Variants in ERMARD observed in about 807,000 individuals in gnomAD.
ERMARD encodes endoplasmic reticulum membrane-associated RNA degradation protein.
Under a neutral mutation model 83.9 loss-of-function variants are expected in ERMARD, and 71 were observed. That is an observed-to-expected ratio of 0.85 (90% confidence interval 0.70 to 1.03). ERMARD has a LOEUF of 1.03. Ranked by LOEUF, ERMARD falls within the 50% of genes least tolerant of loss-of-function variation. ERMARD has a pLI of 0.00. For missense variants in ERMARD, 838 were observed against 810.9 expected (o/e 1.03, Z -0.41); for synonymous variants, 284 against 298.6 (o/e 0.95, Z 0.50).
intron 14 of ERMARD, 62 bp downstream of exon 14, chr6:169,775,408 C>A: frequency 6.4e-7 from 1 of 1,555,660 alleles, no homozygotes. Context: ...GTTTCAGCAG[C>A]ATTTCTTCTT....
chr6:169,773,460 C>T, intron 13 of ERMARD, 58 bp downstream of exon 13: 1 of 1,532,598 alleles, frequency 6.5e-7, no homozygotes, highest in East Asian at 2.3e-5. Context: ...CACCTGTCTT[C>T]TGCAGAGATG....
intron 9 of ERMARD, among the ~76,000 whole-genome samples, chr6:169,765,491 A>G (rs1792083837): frequency 6.6e-6 from 1 of 152,236 alleles, no homozygotes. Context: ...GAAGGCATTT[A>G]TACTAACTCT....
chr6:169,753,769 G>C (rs1302377716), intron 1 of ERMARD, 95 bp from the exon 2 acceptor site: 2 of 879,558 alleles, frequency 2.3e-6, no homozygotes. Flanking sequence ...AACTATACCT[G>C]AGTGCATTCA....
At chr6:169,766,072 TTG>T (rs1792168659) in intron 9 of ERMARD, among the ~76,000 whole-genome samples, 2 of 152,096 alleles carry the variant, frequency 1.3e-5, no homozygotes, top group South Asian at 4.1e-4. Flanking sequence ...CAAAAGCCTT[TTG>T]AGATAGGCAT....
chr6:169,755,352 TC>T lies in ERMARD; in HGVS notation c.246del (p.Leu83TyrfsTer3), dbSNP rs770669011. 2 of 1,614,090 alleles carry T rather than the reference TC, an allele frequency of 1.2e-6. No individual in the cohort carries two copies. The highest frequency in any genetic ancestry group is 4.5e-5 in the East Asian group (2 of 44,894). On this transcript the variant is annotated frameshift_variant, in exon 3 of 18. Transcript: ENST00000366773. LOFTEE classifies it high-confidence loss of function. Reference sequence around the variant, plus strand: ...GTGTGTGAGGCTGTCCATTCACATTTCTTATCTCTGACCAAGGGGCAATTTG... The same window carrying T: ...GTGTGTGAGGCTGTCCATTCACATTTTTATCTCTGACCAAGGGGCAATTTG... Reference protein sequence around the residue: ...GPVCEAVHSHFLSLTKGQFEI... With the variant: ...GPVCEAVHSHXLSLTKGQFEI...
chr6:169,778,039 G>A (rs957789239), intron 16 of ERMARD, among the ~76,000 whole-genome samples: 7 of 152,190 alleles, frequency 4.6e-5, no homozygotes, highest in African/African-American at 1.7e-4. Flanking sequence ...GTCGCAGGAC[G>A]AGTCACACAC....
intron 16 of ERMARD, 60 bp from the exon 17 acceptor site, chr6:169,779,122 G>T: frequency 7.2e-7 from 1 of 1,392,086 alleles, no homozygotes; most frequent in Non-Finnish European, 1.0e-6. Flanking sequence ...TCTTTTTCCT[G>T]ATGAAGGTGG....
At chr6:169,761,278 G>A (rs1343329271) in intron 8 of ERMARD, among the ~76,000 whole-genome samples, 2 of 152,144 alleles carry the variant, frequency 1.3e-5, no homozygotes, top group Non-Finnish European at 2.9e-5. Flanking sequence ...GTGCATTGGA[G>A]CCACCTCGGC....
chr6:169,760,083 TC>T, intron 7 of ERMARD, 109 bp downstream of exon 7: 1 of 1,533,566 alleles, frequency 6.5e-7, no homozygotes, highest in Non-Finnish European at 8.7e-7. Context: ...TAGTTGTTCT[TC>T]AGTAGTCGGA....
Position 169,755,358 on chromosome 6 carries a change from C to T in ERMARD, c.251C>T (p.Ser84Phe). Residue 84 changes from serine (S) to phenylalanine (F), a missense_variant, in exon 3 of 18, where the codon TCT (serine) becomes TTT (phenylalanine). Physicochemically the swap from Ser to Phe is radical, Grantham distance 155. Transcript: ENST00000366773. ...VCEAVHSHFL[S>F]LTKGQFEIRY... ...GAGGCTGTCCATTCACATTTCTTAT[C>T]TCTGACCAAGGGGCAATTTGAAATT... is the stretch of plus-strand genomic sequence containing the variant. 6.2e-7 allele frequency: 1 copy of T among 1,614,196 alleles called. No individual in the cohort carries two copies. The highest frequency in any genetic ancestry group is 8.5e-7 in the Non-Finnish European group (1 of 1,180,036).
chr6:169,774,926 G>T (rs1353900944), intron 13 of ERMARD, among the ~76,000 whole-genome samples: 1 of 152,224 alleles, frequency 6.6e-6, no homozygotes, highest in Non-Finnish European at 1.5e-5. Flanking sequence ...TTTGGATGCT[G>T]CACAGCATCG....
At chr6:169,771,707 C>T (rs905025358) in intron 12 of ERMARD, 11 of 152,014 alleles carry the variant, frequency 7.2e-5, no homozygotes, top group Admixed American at 7.2e-4. Context: ...TTCCTCTCTT[C>T]GCTTCATACT....
In ERMARD at chr6:169,769,626, T is replaced by A. The variant is rs1196919947; in HGVS notation, c.1146T>A (p.Phe382Leu). Residue 382 changes from phenylalanine (F) to leucine (L), a missense_variant, in exon 12 of 18, where the codon TTT becomes TTA. By Grantham distance (22) the Phe-to-Leu change is conservative. Transcript: ENST00000366773. ...ACGGGGAGATCAACTTACATGAATT[T>A]TCAAAAGAAACAACTAATCAGTTGC... ...LSHGEINLHE[F>L]SKETTNQLLA... 1 of 1,613,366 alleles carries A rather than the reference T, an allele frequency of 6.2e-7. No individual in the cohort carries two copies. The highest frequency in any genetic ancestry group is 2.2e-5 in the East Asian group (1 of 44,886).
In ERMARD at chr6:169,774,138, A is replaced by ATCCTGGCTAACACAGTGAAAC. The variant is rs528580122; in HGVS notation, c.1317+737_1317+757dup. 2.0e-4 allele frequency among the ~76,000 whole-genome samples: 31 copies of ATCCTGGCTAACACAGTGAAAC among 152,312 alleles called. No homozygotes were observed. The East Asian group carries it at 5.8e-3, about 28-fold the overall frequency. ...ATCACAACGTCAGGAGATCGAGACC[A>ATCCTGGCTAACACAGTGAAAC]TCCTGGCTAACACAGTGAAACCCCA... On this transcript the variant is annotated intron_variant, in intron 13 of 17. Transcript: ENST00000366773.
intron 16 of ERMARD, among the ~76,000 whole-genome samples, chr6:169,778,052 ACACT>A (rs1315556142): frequency 1.3e-5 from 2 of 152,168 alleles, no homozygotes; most frequent in Non-Finnish European, 2.9e-5. Flanking sequence ...TCACACACCC[ACACT>A]CACTCTGGGA....
intron 9 of ERMARD, among the ~76,000 whole-genome samples, chr6:169,766,262 G>C (rs1792193995): frequency 6.6e-6 from 1 of 152,218 alleles, no homozygotes; most frequent in African/African-American, 2.4e-5. Flanking sequence ...AACAGACAAG[G>C]CTATTCATTG....
intron 9 of ERMARD, 67 bp from the exon 10 acceptor site, chr6:169,766,571 T>C (rs1357969036): frequency 7.4e-7 from 1 of 1,352,206 alleles, no homozygotes; most frequent in Non-Finnish European, 1.0e-6. Context: ...TTTTCTTATT[T>C]TGCATAGTGT....
upstream of ERMARD, chr6:169,751,536 C>G: frequency 1.9e-6 from 3 of 1,610,258 alleles, no homozygotes; most frequent in Non-Finnish European, 1.7e-6. Flanking sequence ...CCCGCGAGGG[C>G]GGAAGTCTCC....
upstream of ERMARD, chr6:169,751,496 C>T: frequency 6.2e-7 from 1 of 1,611,480 alleles, no homozygotes; most frequent in Non-Finnish European, 8.5e-7. Flanking sequence ...GCCTCCCCTT[C>T]ACCGCCGGCG....
Sources: gnomAD v4.1 joint callset for allele counts (sites outside exome capture counted in the v4.1 genomes callset) on GRCh38, gnomAD v4.1.1 for gene constraint, MANE v1.5 for transcripts, NCBI Gene and HGNC (gene_info 2026-07-23, HGNC 2026-07-21) for gene names.